Variants in LRP8 observed in about 807,000 individuals in gnomAD.
The protein encoded by LRP8 is low-density lipoprotein receptor-related protein 8.
LRP8 carries 46 observed loss-of-function variants against 111.6 expected under a neutral mutation model. The ratio of observed to expected loss-of-function variants is 0.41; its 90% CI spans 0.33 to 0.53. The LOEUF (loss-of-function observed/expected upper bound fraction) is 0.53. Ranked by LOEUF, LRP8 falls within the 20% of genes least tolerant of loss-of-function variation. The pLI, the probability that LRP8 is intolerant of heterozygous loss-of-function variation, is 0.20. For missense variants in LRP8, 959 were observed against 1,297.4 expected (o/e 0.74, Z 4.01); for synonymous variants, 464 against 511.2 (o/e 0.91, Z 1.24).
Position 53,327,867 on chromosome 1 carries a change from GC to G in LRP8, c.45del (p.Leu16CysfsTer58). On this transcript the variant is annotated frameshift_variant, in exon 1 of 19. Transcript: ENST00000306052. LOFTEE classifies it high-confidence loss of function. ...EPGPLRLLAL[L>X]LLLLLLLLLQ... ...AGCAGCAGCAGCAGCAGCAGCAGCAGCAGCAGCGCCAGAAGCCGGAGAGGGC... is the reference window on the plus strand; with the variant it reads ...AGCAGCAGCAGCAGCAGCAGCAGCAGAGCAGCGCCAGAAGCCGGAGAGGGC... The G allele has an allele frequency of 6.6e-7, 1 of 1,507,208 alleles. No individual in the cohort carries two copies. The allele number at this position is 1,507,208 out of a possible 1,614,324, so 93.4% of individuals were successfully genotyped here.
intron 18 of LRP8, among the ~76,000 whole-genome samples, chr1:53,247,374 T>A (rs1380551281): frequency 2.6e-5 from 4 of 152,190 alleles, no homozygotes; most frequent in Non-Finnish European, 5.9e-5. Context: ...AGATCTAAAT[T>A]TTCTTAATCC....
Position 53,279,347 on chromosome 1 carries a change from A to T in LRP8, c.496+1240T>A, listed in dbSNP as rs995495355. Among the ~76,000 whole-genome samples the T allele has an allele frequency of 2.0e-5, 3 of 152,182 alleles. No homozygotes were observed. Among genetic ancestry groups the T allele is most frequent in the Non-Finnish European group, 2.9e-5 (2 of 68,012 alleles). ...TAATGGGGAATGTTCCTATTCCAAC[A>T]TGCCCTAGTTGGAGAGACTCCCATC... On this transcript the variant is annotated intron_variant, in intron 4 of 18. Transcript: ENST00000306052. This position sits in a 1 kb window ranked among gnomAD's most constrained non-coding sequence, Gnocchi z 4.4.
intron 15 of LRP8, 48 bp downstream of exon 15, chr1:53,257,192 C>A: frequency 1.3e-6 from 2 of 1,586,360 alleles, no homozygotes; most frequent in South Asian, 1.1e-5. Context: ...CCTGGCTTCC[C>A]TAGGAGCCCT....
intron 8 of LRP8, 105 bp downstream of exon 8, chr1:53,270,923 C>G (rs565243196): frequency 6.5e-7 from 1 of 1,539,896 alleles, no homozygotes; most frequent in Non-Finnish European, 8.9e-7. Context: ...CACAACCTGC[C>G]TTCTTGTGTG....
intron 16 of LRP8, among the ~76,000 whole-genome samples, chr1:53,254,292 C>G (rs936116215): frequency 1.1e-4 from 16 of 152,042 alleles, no homozygotes; most frequent in Non-Finnish European, 1.8e-4. Flanking sequence ...TGATCTCCTT[C>G]TAGCTCTAAA....
intron 2 of LRP8, chr1:53,304,872 A>G (rs1196536552): frequency 6.6e-6 from 1 of 152,488 alleles, no homozygotes; most frequent in East Asian, 1.9e-4. Context: ...CTCACCGCCC[A>G]CTGGCATCCT....
chr1:53,304,527 G>C (rs1049056245), intron 2 of LRP8: 6 of 152,352 alleles, frequency 3.9e-5, no homozygotes, highest in Non-Finnish European at 8.8e-5. Context: ...ATGCTACCGG[G>C]AAAGTCTCAG....
At chr1:53,265,666 C>G (rs1275824061) in intron 9 of LRP8, among the ~76,000 whole-genome samples, 1 of 152,220 alleles carries the variant, frequency 6.6e-6, no homozygotes, top group Admixed American at 6.5e-5. Flanking sequence ...TGCAGGGAGG[C>G]AGGAATCTAG....
At chr1:53,298,928 C>A (rs1650268629) in intron 2 of LRP8, among the ~76,000 whole-genome samples, 2 of 152,242 alleles carry the variant, frequency 1.3e-5, no homozygotes, top group East Asian at 3.9e-4. Flanking sequence ...CTCATTCCAG[C>A]CCTGCTCTGC....
At chr1:53,302,065 G>A (rs1651010659) in intron 2 of LRP8, among the ~76,000 whole-genome samples, 1 of 152,136 alleles carries the variant, frequency 6.6e-6, no homozygotes, top group Admixed American at 6.5e-5. Context: ...GTCTGCTGGA[G>A]GGAGAGGAGG....
chr1:53,268,484 T>C (rs549203347), intron 8 of LRP8: 1 of 152,400 alleles, frequency 6.6e-6, no homozygotes, highest in South Asian at 2.1e-4. Context: ...TATACTAATG[T>C]ATGAGTTACA....
rs1645762758 is a variant in LRP8 at position 53,247,485 on chromosome 1, A to T, written c.2854-429T>A. ...TACTTGTCTCTAGCATGCTAATCAC[A>T]TTTAGAAAGGTAATATACTGCACCT... On this transcript the variant is annotated intron_variant, in intron 18 of 18. Transcript: ENST00000306052. Among the ~76,000 whole-genome samples, 5 of 152,218 alleles carry T rather than the reference A, an allele frequency of 3.3e-5. No individual in the cohort carries two copies. The South Asian group carries it at 1.0e-3, about 31-fold the overall frequency.
chr1:53,327,146 G>A (rs1417050633), intron 1 of LRP8, 154 bp from the exon 2 acceptor site: 4 of 1,038,346 alleles, frequency 3.9e-6, no homozygotes, highest in East Asian at 2.6e-5. Flanking sequence ...CAAAGGGAGG[G>A]CACGATGGCA....
intron 2 of LRP8, among the ~76,000 whole-genome samples, chr1:53,313,069 C>A (rs1016052923): frequency 5.9e-5 from 9 of 152,218 alleles, no homozygotes; most frequent in Non-Finnish European, 1.0e-4. Flanking sequence ...CATGTCTGAT[C>A]CCAGCCACAG....
intron 2 of LRP8, among the ~76,000 whole-genome samples, chr1:53,319,148 T>C (rs1290786917): frequency 6.6e-6 from 1 of 152,174 alleles, no homozygotes; most frequent in South Asian, 2.1e-4. Context: ...AATGAACTCC[T>C]GCACCGCCTG....
chr1:53,316,507 G>T (rs1446552234), intron 2 of LRP8, among the ~76,000 whole-genome samples: 1 of 152,212 alleles, frequency 6.6e-6, no homozygotes, highest in African/African-American at 2.4e-5. Flanking sequence ...TCCTGTTGGG[G>T]CCCCATGGGG....
At chr1:53,327,743 G>C in intron 1 of LRP8, 46 bp downstream of exon 1, 1 of 1,418,996 alleles carries the variant, frequency 7.0e-7, no homozygotes, top group Non-Finnish European at 9.3e-7. Context: ...CGCTTTGTTG[G>C]TGGCTAGGGC....
chr1:53,320,477 T>G (rs1288519), intron 2 of LRP8, among the ~76,000 whole-genome samples: 50,992 of 152,012 alleles, frequency 0.34, 8,872 homozygotes, highest in African/African-American at 0.41. Context: ...TTTCTAAGCC[T>G]GGGTGCGAGG....
At position 53,317,055 on chromosome 1, in the gene LRP8, T is replaced by C. The variant is rs1557866932; in HGVS notation, c.244+9818A>G. 6.6e-6 allele frequency among the ~76,000 whole-genome samples: 1 copy of C among 151,784 alleles called. No individual in the cohort carries two copies. Among genetic ancestry groups the C allele is most frequent in the Non-Finnish European group, 1.5e-5 (1 of 67,970 alleles). On this transcript the variant is annotated intron_variant, in intron 2 of 18. Coordinates refer to ENST00000306052, the MANE Select transcript of LRP8 (RefSeq NM_004631.5). This position sits in a 1 kb window ranked among gnomAD's most constrained non-coding sequence, Gnocchi z 4.9. The stretch of plus-strand genomic sequence containing the variant: ...CTCCCTCCTGGTACACAGCCCCTCC[T>C]CTGAAGCACACACCCCAAGCACACG...
Sources: gnomAD v4.1 joint callset for allele counts (sites outside exome capture counted in the v4.1 genomes callset) on GRCh38, gnomAD v4.1.1 for gene constraint, Gnocchi (gnomAD v3.1) non-coding constraint, MANE v1.5 for transcripts, NCBI Gene and HGNC (gene_info 2026-07-23, HGNC 2026-07-21) for gene names.